SEMA3A: variants seen among roughly 807,000 people sequenced by gnomAD.
SEMA3A encodes the protein semaphorin-3A.
A neutral mutation model predicts 97.9 loss-of-function variants in SEMA3A; 29 were observed. The ratio of observed to expected loss-of-function variants is 0.30; its 90% CI spans 0.22 to 0.40. SEMA3A has a LOEUF of 0.40. Ranked by LOEUF, SEMA3A falls within the 10% of genes least tolerant of loss-of-function variation. SEMA3A has a pLI of 1.00. For missense variants in SEMA3A, 763 were observed against 951.3 expected, an observed-to-expected ratio of 0.80 and a Z score of 2.60; for synonymous variants, 321 against 323.7, an observed-to-expected ratio of 0.99 and a Z score of 0.09.
chr7:83,962,587 CTTAT>C (rs941410580), intron 16 of SEMA3A, among the ~76,000 whole-genome samples: 31 of 152,160 alleles, frequency 2.0e-4, no homozygotes, highest in African/African-American at 7.2e-4. Context: ...TCTGTTTATG[CTTAT>C]TTAAGGCTGT....
chr7:83,984,626 T>G (rs905878963), intron 13 of SEMA3A, among the ~76,000 whole-genome samples: 5 of 142,040 alleles, frequency 3.5e-5, no homozygotes, highest in African/African-American at 1.3e-4. Context: ...TTTTTTTTTT[T>G]TTTTTGAAGT....
chr7:84,062,264 A>C (rs1459725534), intron 4 of SEMA3A, among the ~76,000 whole-genome samples: 3 of 152,236 alleles, frequency 2.0e-5, no homozygotes, highest in African/African-American at 7.2e-5. Context: ...ACATCACTAA[A>C]TTACAAACTT....
intron 6 of SEMA3A, among the ~76,000 whole-genome samples, chr7:84,032,957 T>C (rs1158736219): frequency 6.6e-6 from 1 of 152,046 alleles, no homozygotes; most frequent in African/African-American, 2.4e-5. Context: ...TGGTTTCATA[T>C]TTGAGTTTTA....
At chr7:84,313,755 T>C (rs1021697846) in intron 2 of SEMA3A, among the ~76,000 whole-genome samples, 1 of 151,930 alleles carries the variant, frequency 6.6e-6, no homozygotes, top group East Asian at 1.9e-4. Flanking sequence ...AAGAGTAAAA[T>C]TGTACTTCTA....
At chr7:84,304,692 C>T (rs116101966) in intron 3 of SEMA3A, among the ~76,000 whole-genome samples, 3,996 of 152,066 alleles carry the variant, frequency 0.026, 177 homozygotes, top group African/African-American at 0.091. Flanking sequence ...CCTTGGAATT[C>T]CAGTGCTATC....
chr7:84,050,390 T>C (rs1022566964), intron 5 of SEMA3A, among the ~76,000 whole-genome samples: 54 of 152,248 alleles, frequency 3.5e-4, no homozygotes, highest in African/African-American at 1.2e-3. Context: ...GACTTTTTAA[T>C]GATTGCCATT....
chr7:84,108,994 A>G (rs1795201508), intron 4 of SEMA3A, among the ~76,000 whole-genome samples: 1 of 152,080 alleles, frequency 6.6e-6, no homozygotes, highest in Non-Finnish European at 1.5e-5. Context: ...AAAAAGTGCA[A>G]TATCATGACT....
chr7:84,256,174 G>A (rs1256463788), intron 3 of SEMA3A, among the ~76,000 whole-genome samples: 1 of 152,046 alleles, frequency 6.6e-6, no homozygotes, highest in African/African-American at 2.4e-5. Context: ...GAAATGACAT[G>A]CTACAGTAGG....
At chr7:84,449,645 A>G (rs1207819794) in intron 1 of SEMA3A, among the ~76,000 whole-genome samples, 1 of 152,112 alleles carries the variant, frequency 6.6e-6, no homozygotes, top group Non-Finnish European at 1.5e-5. Context: ...AATGAGGGAG[A>G]CAATAATATA....
chr7:84,091,148 G>A (rs1251441743), intron 4 of SEMA3A, among the ~76,000 whole-genome samples: 1 of 27,322 alleles, frequency 3.7e-5, no homozygotes, highest in Non-Finnish European at 6.9e-5. Context: ...AGGAAGGAAG[G>A]AAGGAAGGAA....
intron 1 of SEMA3A, among the ~76,000 whole-genome samples, chr7:84,420,369 G>T (rs919030094): frequency 6.6e-6 from 1 of 151,690 alleles, no homozygotes; most frequent in Non-Finnish European, 1.5e-5. Context: ...ATTTTAAAAA[G>T]AAACAATTAG....
chr7:84,269,190 T>A (rs914572206), intron 3 of SEMA3A, among the ~76,000 whole-genome samples: 3 of 152,164 alleles, frequency 2.0e-5, no homozygotes, highest in African/African-American at 7.2e-5. Context: ...ATTTTCATCA[T>A]CCTATACAAC....
At chr7:84,141,569 G>A (rs910401684) in intron 1 of SEMA3A, among the ~76,000 whole-genome samples, 5 of 152,096 alleles carry the variant, frequency 3.3e-5, no homozygotes, top group African/African-American at 9.7e-5. Context: ...ATAGGTAAAC[G>A]TATGTCATGG....
At chr7:84,251,553 T>C (rs1360896545) in intron 3 of SEMA3A, among the ~76,000 whole-genome samples, 3 of 152,218 alleles carry the variant, frequency 2.0e-5, no homozygotes, top group East Asian at 1.9e-4. Context: ...TCAAGAAAAC[T>C]ATATTCCTTT....
intron 2 of SEMA3A, among the ~76,000 whole-genome samples, chr7:84,352,322 A>G (rs1417440417): frequency 6.6e-6 from 1 of 151,890 alleles, no homozygotes; most frequent in Non-Finnish European, 1.5e-5. Context: ...TTAATAGCAC[A>G]ACAGAGTGAT....
chr7:84,433,234 A>G (rs1364867234), intron 1 of SEMA3A, among the ~76,000 whole-genome samples: 1 of 73,694 alleles, frequency 1.4e-5, no homozygotes, highest in Non-Finnish European at 2.8e-5. Flanking sequence ...CTAGCCTCCC[A>G]CCCCCCGACA....
At chr7:84,365,349 T>C (rs1562921112) in intron 2 of SEMA3A, among the ~76,000 whole-genome samples, 1 of 151,602 alleles carries the variant, frequency 6.6e-6, no homozygotes, top group South Asian at 2.1e-4. Flanking sequence ...AGTCTAGGTA[T>C]AAGTGCTTTG....
intron 3 of SEMA3A, among the ~76,000 whole-genome samples, chr7:84,299,892 C>T (rs935691810): frequency 8.0e-5 from 10 of 125,028 alleles, no homozygotes; most frequent in African/African-American, 3.2e-4. Context: ...ATTAACCAGG[C>T]ATGGCGGCAG....
chr7:84,353,050 G>T (rs1299619360), intron 2 of SEMA3A, among the ~76,000 whole-genome samples: 1 of 151,626 alleles, frequency 6.6e-6, no homozygotes, highest in Non-Finnish European at 1.5e-5. Context: ...ATATAAAATG[G>T]CATAACATTT....
Sources: allele counts gnomAD v4.1 joint callset (sites outside exome capture counted in the v4.1 genomes callset), GRCh38; gene constraint gnomAD v4.1.1; transcripts MANE v1.5; gene names NCBI Gene and HGNC (gene_info 2026-07-23, HGNC 2026-07-21).